Variants in LRMDA observed in about 807,000 individuals in gnomAD.
LRMDA encodes leucine rich melanocyte differentiation associated.
In LRMDA, 18 loss-of-function variants were observed where a neutral mutation model predicts 29.8. The observed-to-expected ratio is 0.60, with a 90% CI of 0.42 to 0.90. LRMDA has a LOEUF of 0.90. Among genes scored for constraint, LRMDA ranks in the 40% least tolerant of loss-of-function variants. The pLI, the probability that LRMDA is intolerant of heterozygous loss-of-function variation, is 0.00. For missense variants in LRMDA, 273 were observed against 273.9 expected (o/e 1.00, Z 0.02); for synonymous variants, 125 against 109.4 (o/e 1.14, Z -0.89).
rs1848912720 is a variant in LRMDA, at chr10:76,073,764, A to C, written c.516+14981A>C. On this transcript the variant is annotated intron_variant, in intron 5 of 6. Coordinates refer to ENST00000611255, the MANE Select transcript of LRMDA (RefSeq NM_001305581.2). ...CTAGAGGGAATGTAGGTCAAAAGGAACACTTAACATTTCCAAGACCTTCTT... is the reference window on the plus strand; with the variant it reads ...CTAGAGGGAATGTAGGTCAAAAGGACCACTTAACATTTCCAAGACCTTCTT... Among the ~76,000 whole-genome samples, 3 of 152,202 alleles carry C rather than the reference A, an allele frequency of 2.0e-5. No homozygotes were observed. In the South Asian group the frequency reaches 6.2e-4, roughly 32 times the overall value.
At chr10:76,493,251 G>A (rs771906970) in intron 6 of LRMDA, among the ~76,000 whole-genome samples, 2 of 151,926 alleles carry the variant, frequency 1.3e-5, no homozygotes, top group Admixed American at 6.6e-5. Flanking sequence ...CCCTTTCCAC[G>A]GGTAGATGAG....
At chr10:75,711,985 A>T (rs1842441722) in intron 2 of LRMDA, among the ~76,000 whole-genome samples, 1 of 151,988 alleles carries the variant, frequency 6.6e-6, no homozygotes, top group Non-Finnish European at 1.5e-5. Context: ...AACTTGAAAA[A>T]TTTCCATCCT....
chr10:76,449,975 T>C (rs1842390279), intron 6 of LRMDA, among the ~76,000 whole-genome samples: 1 of 152,048 alleles, frequency 6.6e-6, no homozygotes, highest in Non-Finnish European at 1.5e-5. Context: ...GTTCTTCATA[T>C]GTTTTCCTAA....
chr10:76,517,423 G>A (rs1843073322), intron 6 of LRMDA, among the ~76,000 whole-genome samples: 1 of 152,054 alleles, frequency 6.6e-6, no homozygotes, highest in Non-Finnish European at 1.5e-5. Context: ...ATGGAAGCAG[G>A]GAAGCAGTGG....
intron 5 of LRMDA, among the ~76,000 whole-genome samples, chr10:76,120,832 T>C (rs956982084): frequency 3.3e-5 from 5 of 151,082 alleles, no homozygotes; most frequent in East Asian, 3.9e-4. Context: ...ATTGTTCTTT[T>C]TTTTTTTTTT....
At chr10:76,532,183 TA>T (rs1265448812) in intron 6 of LRMDA, among the ~76,000 whole-genome samples, 1 of 152,062 alleles carries the variant, frequency 6.6e-6, no homozygotes, top group Non-Finnish European at 1.5e-5. Flanking sequence ...CCTACTCCCA[TA>T]CCCCCCGACA....
chr10:75,750,717 G>A (rs1172802470), intron 2 of LRMDA, among the ~76,000 whole-genome samples: 58 of 149,476 alleles, frequency 3.9e-4, no homozygotes, highest in Admixed American at 1.7e-3. Context: ...CATCCCAGAC[G>A]GGGCGGGGGG....
At chr10:75,980,571 G>A (rs879374039) in intron 2 of LRMDA, among the ~76,000 whole-genome samples, 16 of 152,240 alleles carry the variant, frequency 1.1e-4, no homozygotes, top group Admixed American at 5.2e-4. Context: ...TCCTGGACCC[G>A]TGCGTGTCTG....
intron 5 of LRMDA, among the ~76,000 whole-genome samples, chr10:76,214,535 G>A (rs896662374): frequency 4.5e-4 from 68 of 151,500 alleles, no homozygotes; most frequent in Non-Finnish European, 7.5e-4. Context: ...TAGTAGAGAC[G>A]GGGTTTCACC....
intron 2 of LRMDA, among the ~76,000 whole-genome samples, chr10:75,850,741 A>T (rs892295794): frequency 1.3e-5 from 2 of 152,204 alleles, no homozygotes; most frequent in Admixed American, 6.5e-5. Context: ...AAATGCAGAC[A>T]ATCAGGATGG....
At chr10:75,998,836 TTAA>T (rs1847515523) in intron 2 of LRMDA, among the ~76,000 whole-genome samples, 2 of 152,114 alleles carry the variant, frequency 1.3e-5, no homozygotes, top group African/African-American at 4.8e-5. Context: ...CTCTCTTGAG[TTAA>T]TAATGTATTG....
Position 75,692,586 on chromosome 10 carries a change from T to C in LRMDA, c.131+254092T>C, listed in dbSNP as rs868176510. ...ATACGTGTGTGTGTGTGTGTGTGTG[T>C]GTGTGTGTGTGTGTGTGTGTATGTG... On this transcript the variant is annotated intron_variant, in intron 2 of 6. Coordinates refer to ENST00000611255, the MANE Select transcript of LRMDA (RefSeq NM_001305581.2). Among the ~76,000 whole-genome samples, 273 of 150,662 alleles carry C rather than the reference T, an allele frequency of 1.8e-3. 1 individual carries two copies. Among genetic ancestry groups the C allele is most frequent in the African/African-American group, 6.2e-3 (254 of 40,960 alleles).
intron 5 of LRMDA, among the ~76,000 whole-genome samples, chr10:76,137,127 C>T (rs1467361257): frequency 3.3e-5 from 5 of 152,212 alleles, no homozygotes; most frequent in African/African-American, 1.2e-4. Context: ...ACTACCGACC[C>T]TTCCTTTAGT....
intron 2 of LRMDA, among the ~76,000 whole-genome samples, chr10:75,711,479 G>A (rs993703945): frequency 4.6e-5 from 7 of 152,126 alleles, no homozygotes; most frequent in Non-Finnish European, 8.8e-5. Context: ...GTAGAAGAAC[G>A]TACCCCACTG....
At position 76,143,605 on chromosome 10, in the gene LRMDA, T is replaced by C. The variant is rs561062953; in HGVS notation, c.516+84822T>C. ...TTCTGGATATTAGCCCTTTGTCAGATGAGTAGGTTGCAAAAATTTTCTCCC... is the reference window on the plus strand; with the variant it reads ...TTCTGGATATTAGCCCTTTGTCAGACGAGTAGGTTGCAAAAATTTTCTCCC... On this transcript the variant is annotated intron_variant, in intron 5 of 6. Coordinates refer to ENST00000611255, the MANE Select transcript of LRMDA (RefSeq NM_001305581.2). Among the ~76,000 whole-genome samples, 23 of 152,304 alleles carry C rather than the reference T, an allele frequency of 1.5e-4. No homozygotes were observed. The South Asian group carries it at 4.6e-3, about 30-fold the overall frequency.
intron 2 of LRMDA, among the ~76,000 whole-genome samples, chr10:75,971,380 A>G (rs899840062): frequency 6.6e-6 from 1 of 152,220 alleles, no homozygotes; most frequent in African/African-American, 2.4e-5. Context: ...GTGCTTGTCA[A>G]TGAATGGCTA....
rs148241219 is a variant in LRMDA at position 76,363,719 on chromosome 10, C to A, written c.601+39234C>A. Among the ~76,000 whole-genome samples, 682 of 151,228 alleles carry A rather than the reference C, an allele frequency of 4.5e-3. 8 individuals carry two copies. Among genetic ancestry groups the A allele is most frequent in the African/African-American group, 0.016 (656 of 41,236 alleles). On this transcript the variant is annotated intron_variant, in intron 6 of 6. Transcript: ENST00000611255. ...AGTTTCTTGGTATAACAACCTTTTT[C>A]CATAAAAGAAGGGTAGAACTTCTTT... is the stretch of plus-strand genomic sequence containing the variant.
At chr10:76,295,501 G>A (rs773417570) in intron 5 of LRMDA, among the ~76,000 whole-genome samples, 1 of 152,148 alleles carries the variant, frequency 6.6e-6, no homozygotes, top group Non-Finnish European at 1.5e-5. Context: ...CACTAAACCT[G>A]GATACCAGGC....
At chr10:76,082,668 G>A (rs1177867899) in intron 5 of LRMDA, among the ~76,000 whole-genome samples, 1 of 152,112 alleles carries the variant, frequency 6.6e-6, no homozygotes, top group African/African-American at 2.4e-5. Flanking sequence ...CCATTAGGCT[G>A]GGATAATTGA....
Sources: allele counts gnomAD v4.1 joint callset (sites outside exome capture counted in the v4.1 genomes callset), GRCh38; gene constraint gnomAD v4.1.1; transcripts MANE v1.5; gene names NCBI Gene and HGNC (gene_info 2026-07-23, HGNC 2026-07-21).